The following DEPDC5 variants were observed in gnomAD, a reference collection of about 807,000 sequenced individuals.
DEPDC5 encodes GATOR1 complex protein DEPDC5.
DEPDC5 carries 73 observed loss-of-function variants against 217.3 expected under a neutral mutation model. That is an observed-to-expected ratio of 0.34 (90% confidence interval 0.28 to 0.41). The LOEUF (loss-of-function observed/expected upper bound fraction) is 0.41, where lower values mean the gene tolerates loss of function less well. DEPDC5 is among the 10% of genes least tolerant of loss of function. The pLI, the probability that DEPDC5 is intolerant of heterozygous loss-of-function variation, is 1.00. For missense variants in DEPDC5, 1,675 were observed against 2,070.1 expected (o/e 0.81, Z 3.70); for synonymous variants, 733 against 756.7 (o/e 0.97, Z 0.51).
At chr22:31,807,096 TATATTAATA>T (rs760129309) in intron 18 of DEPDC5, among the ~76,000 whole-genome samples, 9 of 152,180 alleles carry the variant, frequency 5.9e-5, no homozygotes, top group Non-Finnish European at 1.2e-4. Flanking sequence ...AGGTTTAAAA[TATATTAATA>T]ATTATATCAC....
intron 31 of DEPDC5, among the ~76,000 whole-genome samples, chr22:31,849,960 G>A (rs1271899313): frequency 1.3e-5 from 2 of 152,006 alleles, no homozygotes; most frequent in African/African-American, 4.8e-5. Flanking sequence ...TAGGGACACA[G>A]CCAAACCGTA....
intron 39 of DEPDC5, chr22:31,894,587 CGGAG>C (rs2093509010): frequency 6.6e-6 from 1 of 152,084 alleles, no homozygotes; most frequent in African/African-American, 2.4e-5. Flanking sequence ...TGGCTGGGCA[CGGAG>C]GTTCACGCCT....
rs925107113 is a variant in DEPDC5, at chr22:31,906,052, A to G, written c.4505A>G (p.Tyr1502Cys). Residue 1502 changes from tyrosine to cysteine, a missense_variant, in exon 42 of 43, where the codon TAT becomes TGT. Around this residue, in one of 11 missense-constraint regions of DEPDC5, gnomAD observed 182 missense variants for 290.1 expected, o/e 0.63. Coordinates refer to ENST00000651528, the MANE Select transcript of DEPDC5 (RefSeq NM_001242896.3). This position sits in a 1 kb window ranked among gnomAD's most constrained non-coding sequence, Gnocchi z 5.1. ...TTCCCTGCTGAGAACAAGCCTCAGTATATCCACGTTACAGGTGAGGAGCTA... is the reference window on the plus strand; with the variant it reads ...TTCCCTGCTGAGAACAAGCCTCAGTGTATCCACGTTACAGGTGAGGAGCTA... ...FNFPAENKPQ[Y>C]IHVTGTVFLQ... 6.2e-6 allele frequency: 10 copies of G among 1,614,056 alleles called. No homozygotes were observed. The highest frequency in any genetic ancestry group is 8.5e-6 in the Non-Finnish European group (10 of 1,180,050).
At chr22:31,862,610 A>C (rs1240632450) in intron 33 of DEPDC5, among the ~76,000 whole-genome samples, 1 of 152,226 alleles carries the variant, frequency 6.6e-6, no homozygotes, top group Non-Finnish European at 1.5e-5. Context: ...ATGAGAAAAG[A>C]AAAAGTTGTT....
chr22:31,876,033 C>A, intron 36 of DEPDC5, 124 bp from the exon 37 acceptor site: 1 of 683,892 alleles, frequency 1.5e-6, no homozygotes, highest in South Asian at 1.9e-5. Flanking sequence ...CATGTCTAAT[C>A]TGGGGGTGGA....
chr22:31,901,677 C>G, intron 40 of DEPDC5, 65 bp from the exon 41 acceptor site: 1 of 1,422,636 alleles, frequency 7.0e-7, no homozygotes, highest in Non-Finnish European at 9.7e-7. Context: ...GTACAGAAGA[C>G]TGGCCCAGAG....
chr22:31,830,777 A>G (rs2090541770), intron 24 of DEPDC5, among the ~76,000 whole-genome samples: 1 of 148,706 alleles, frequency 6.7e-6, no homozygotes, highest in African/African-American at 2.5e-5. Context: ...TCTTTTTTTG[A>G]ACTCTTTATT....
At chr22:31,896,002 G>A (rs573627280) in intron 39 of DEPDC5, among the ~76,000 whole-genome samples, 50 of 150,910 alleles carry the variant, frequency 3.3e-4, no homozygotes, top group South Asian at 6.4e-4. Context: ...CTCCTTGCTG[G>A]CCCTACTAGA....
intron 7 of DEPDC5, among the ~76,000 whole-genome samples, chr22:31,777,323 C>G (rs554646105): frequency 2.6e-5 from 4 of 150,974 alleles, no homozygotes; most frequent in Non-Finnish European, 4.4e-5. Context: ...TGCAGTGGCA[C>G]GATCTCAGCT....
At chr22:31,781,242 A>C (rs554070777) in intron 8 of DEPDC5, among the ~76,000 whole-genome samples, 1 of 151,682 alleles carries the variant, frequency 6.6e-6, no homozygotes, top group East Asian at 1.9e-4. Flanking sequence ...AACAAAAAAA[A>C]AAAAACAAAG....
At chr22:31,777,724 G>T (rs1048603973) in intron 7 of DEPDC5, among the ~76,000 whole-genome samples, 3 of 152,020 alleles carry the variant, frequency 2.0e-5, no homozygotes, top group Admixed American at 2.0e-4. Flanking sequence ...GCCACCTGAA[G>T]TTGCCCCTAT....
At chr22:31,835,019 A>T (rs564262501) in intron 25 of DEPDC5, among the ~76,000 whole-genome samples, 13 of 151,564 alleles carry the variant, frequency 8.6e-5, no homozygotes, top group Admixed American at 8.6e-4. Flanking sequence ...TGGGCTGAGC[A>T]TGGTGGCTCA....
At chr22:31,882,459 C>T (rs11914054) in intron 38 of DEPDC5, among the ~76,000 whole-genome samples, 6,055 of 152,266 alleles carry the variant, frequency 0.04, 170 homozygotes, top group Non-Finnish European at 0.06. Flanking sequence ...AAGATTTCTT[C>T]CTTTCAAATA....
chr22:31,756,393 A>G (rs1163023660), intron 2 of DEPDC5, among the ~76,000 whole-genome samples: 1 of 152,178 alleles, frequency 6.6e-6, no homozygotes, highest in Admixed American at 6.6e-5. Context: ...ACCAGGCTAC[A>G]GGCATTGCTA....
intron 5 of DEPDC5, among the ~76,000 whole-genome samples, chr22:31,765,630 T>A (rs2082745299): frequency 6.6e-6 from 1 of 152,196 alleles, no homozygotes; most frequent in South Asian, 2.1e-4. Flanking sequence ...GTGTTGTATA[T>A]GCCTGTAGTT....
chr22:31,825,606 C>G (rs2090081432), intron 24 of DEPDC5, among the ~76,000 whole-genome samples: 1 of 152,132 alleles, frequency 6.6e-6, no homozygotes, highest in Non-Finnish European at 1.5e-5. Flanking sequence ...TGATTGGCTC[C>G]TCACCTCCGT....
Position 31,819,049 on chromosome 22 carries a change from C to T in DEPDC5, c.1694C>T (p.Pro565Leu). Residue 565 changes from proline to leucine, a missense_variant, in exon 22 of 43, where the codon CCA becomes CTA. Pro to Leu is a moderately conservative substitution (Grantham distance 98, BLOSUM62 -3). This residue lies in a region of DEPDC5 where 628 missense variants were observed against 762.1 expected (regional missense o/e 0.82). Transcript: ENST00000651528. The part of the protein sequence containing the change: ...RDVLENMMEP[P>L]QRDSSAPGRF... ...GTCCTGGAGAACATGATGGAGCCAC[C>T]ACAGCGAGACTCCAGTGCACCAGGG... 6.2e-7 allele frequency: 1 copy of T among 1,614,160 alleles called. No homozygotes were observed. Among genetic ancestry groups the T allele is most frequent in the Non-Finnish European group, 8.5e-7 (1 of 1,180,032 alleles).
intron 14 of DEPDC5, among the ~76,000 whole-genome samples, chr22:31,799,483 T>A (rs890898710): frequency 8.4e-6 from 1 of 118,688 alleles, no homozygotes; most frequent in African/African-American, 3.1e-5. Context: ...TTAATGCTAT[T>A]TTTTTTTTTT....
intron 12 of DEPDC5, among the ~76,000 whole-genome samples, chr22:31,795,613 C>G (rs141255163): frequency 6.6e-6 from 1 of 151,118 alleles, no homozygotes; most frequent in Non-Finnish European, 1.5e-5. Flanking sequence ...AGGCTGGTCT[C>G]GAACTCCTGA....
Sources: gnomAD v4.1 joint callset for allele counts (sites outside exome capture counted in the v4.1 genomes callset) on GRCh38, gnomAD v4.1.1 for gene constraint, gnomAD v4.1.1 regional missense constraint, Gnocchi (gnomAD v3.1) non-coding constraint, MANE v1.5 for transcripts, NCBI Gene and HGNC (gene_info 2026-07-23, HGNC 2026-07-21) for gene names.